Variants in FAF1 observed in about 807,000 individuals in gnomAD.
FAF1 encodes the protein Fas associated factor 1.
A neutral mutation model predicts 92.5 loss-of-function variants in FAF1; 25 were observed. The observed-to-expected ratio is 0.27, with a 90% CI of 0.20 to 0.38. The LOEUF is 0.38. FAF1 is among the 10% of genes least tolerant of loss of function. FAF1 has a pLI of 1.00. For synonymous variants in FAF1, 234 were observed against 273.2 expected (o/e 0.86, Z 1.42); for missense variants, 636 against 793.3 (o/e 0.80, Z 2.38).
chr1:50,796,956 C>T (rs904466733), intron 3 of FAF1, among the ~76,000 whole-genome samples: 1 of 151,850 alleles, frequency 6.6e-6, no homozygotes, highest in African/African-American at 2.4e-5. Flanking sequence ...ATGGCTGGGG[C>T]GAAACTCCAT....
At chr1:50,544,882 C>T (rs1648935585) in intron 13 of FAF1, among the ~76,000 whole-genome samples, 2 of 152,040 alleles carry the variant, frequency 1.3e-5, no homozygotes, top group Non-Finnish European at 1.5e-5. Context: ...GTGTAGAGAA[C>T]AGGAAATAAA....
At chr1:50,485,667 CAAAAAAAA>C (rs999538430) in intron 17 of FAF1, among the ~76,000 whole-genome samples, 7 of 13,720 alleles carry the variant, frequency 5.1e-4, no homozygotes, top group South Asian at 4.5e-3. Flanking sequence ...GAGACTGTCT[CAAAAAAAA>C]AAAAAAAAAA....
chr1:50,525,165 C>T (rs529336981), intron 15 of FAF1, among the ~76,000 whole-genome samples: 4 of 152,270 alleles, frequency 2.6e-5, no homozygotes, highest in Admixed American at 6.5e-5. Context: ...GGATTACAGG[C>T]GTGAGCCACT....
intron 1 of FAF1, among the ~76,000 whole-genome samples, chr1:50,907,875 G>A (rs967999209): frequency 2.6e-5 from 4 of 151,958 alleles, no homozygotes; most frequent in African/African-American, 9.7e-5. Context: ...ATCTCCTTCA[G>A]TTCTGCTCTG....
At chr1:50,540,554 G>T (rs1250105861) in intron 13 of FAF1, among the ~76,000 whole-genome samples, 3 of 152,108 alleles carry the variant, frequency 2.0e-5, no homozygotes, top group Admixed American at 6.6e-5. Context: ...ACCAAAAAAA[G>T]CTCTGAGATA....
At chr1:50,917,624 AAAAGGAAAGGAAAGGAAAGGAAAGG>A (rs149219997) in intron 1 of FAF1, among the ~76,000 whole-genome samples, 1,946 of 72,286 alleles carry the variant, frequency 0.027, 26 homozygotes, top group African/African-American at 0.033. Flanking sequence ...AGGGAAAGGA[AAAAGGAAAGGAAAGGAAAGGAAAGG>A]AAAGGAAAGG....
intron 2 of FAF1, among the ~76,000 whole-genome samples, chr1:50,810,261 T>C (rs965301711): frequency 6.6e-6 from 1 of 151,494 alleles, no homozygotes. Context: ...GTCTCAAAAC[T>C]AAAAAAATTA....
intron 1 of FAF1, among the ~76,000 whole-genome samples, chr1:50,932,816 G>C (rs1049383680): frequency 1.3e-5 from 2 of 152,198 alleles, no homozygotes; most frequent in African/African-American, 2.4e-5. Context: ...CTTTTGCCAG[G>C]GTATCCAGGC....
At position 50,490,578 on chromosome 1, in the gene FAF1, T is replaced by C; in HGVS notation, c.1653+10A>G. ...GCTTTTGAATAACTTTTCTTAAAAT[T>C]ATGCCCCACCTCACGTTCCTCTTCT... On this transcript the variant is annotated intron_variant, in intron 17 of 18. Transcript: ENST00000396153. The C allele has an allele frequency of 6.3e-7, 1 of 1,582,336 alleles. No individual in the cohort carries two copies. Among genetic ancestry groups the C allele is most frequent in the Admixed American group, 1.7e-5 (1 of 59,968 alleles).
chr1:50,960,251 C>T lies in FAF1; in HGVS notation c.-440G>A, dbSNP rs367904455. On this transcript the variant is annotated 5_prime_UTR_variant, in exon 1 of 19. Coordinates refer to ENST00000396153, the MANE Select transcript of FAF1 (RefSeq NM_007051.3). ...CCTCCTCCGCTTCCTCCCTGGCCGC[C>T]GCCTCCGCCCCTGGTTGGCCAGCGC... The T allele has an allele frequency of 7.2e-5, 24 of 332,114 alleles. No homozygotes were observed. Among genetic ancestry groups the T allele is most frequent in the South Asian group, 1.4e-4 (1 of 6,906 alleles). 20.6% of individuals were successfully genotyped at this position (332,114 alleles called of 1,614,324 possible).
At chr1:50,922,327 C>T (rs1644970083) in intron 1 of FAF1, among the ~76,000 whole-genome samples, 1 of 151,396 alleles carries the variant, frequency 6.6e-6, no homozygotes, top group Admixed American at 6.6e-5. Context: ...AGCGTGGTGG[C>T]AGGCACCTGT....
chr1:50,664,417 T>G (rs1655527592), intron 7 of FAF1, among the ~76,000 whole-genome samples: 4 of 151,814 alleles, frequency 2.6e-5, no homozygotes, highest in Admixed American at 2.6e-4. Flanking sequence ...CTAAATAAAC[T>G]TGGAAGATAT....
At chr1:50,808,229 C>A (rs1056337640) in intron 2 of FAF1, among the ~76,000 whole-genome samples, 1 of 152,142 alleles carries the variant, frequency 6.6e-6, no homozygotes, top group African/African-American at 2.4e-5. Flanking sequence ...TTTGTTACCA[C>A]TAGACCTGAC....
intron 1 of FAF1, among the ~76,000 whole-genome samples, chr1:50,858,616 G>GA (rs1644409187): frequency 6.6e-6 from 1 of 151,706 alleles, no homozygotes; most frequent in Non-Finnish European, 1.5e-5. Flanking sequence ...CTGAATACAT[G>GA]TTGAAATGGA....
intron 4 of FAF1, among the ~76,000 whole-genome samples, chr1:50,769,570 G>C (rs1292060613): frequency 6.6e-6 from 1 of 152,136 alleles, no homozygotes; most frequent in African/African-American, 2.4e-5. Context: ...ACCAAATCCG[G>C]CTGCACATCC....
At chr1:50,623,514 C>T (rs1423666896) in intron 8 of FAF1, among the ~76,000 whole-genome samples, 1 of 150,392 alleles carries the variant, frequency 6.6e-6, no homozygotes, top group Non-Finnish European at 1.5e-5. Context: ...GGGCAAGTTG[C>T]AGTGAGCTGA....
chr1:50,632,588 G>A (rs1263996136), intron 8 of FAF1, among the ~76,000 whole-genome samples: 1 of 152,130 alleles, frequency 6.6e-6, no homozygotes, highest in Non-Finnish European at 1.5e-5. Flanking sequence ...CACTTTAGGG[G>A]TAAGATATCT....
intron 1 of FAF1, among the ~76,000 whole-genome samples, chr1:50,861,209 A>C (rs1644429465): frequency 6.6e-6 from 1 of 151,830 alleles, no homozygotes; most frequent in Non-Finnish European, 1.5e-5. Flanking sequence ...CTGAATCTAA[A>C]ACAACAGTTG....
chr1:50,920,540 C>G (rs1361703605), intron 1 of FAF1, among the ~76,000 whole-genome samples: 4 of 152,092 alleles, frequency 2.6e-5, no homozygotes, highest in Admixed American at 2.6e-4. Context: ...AAAATATTAG[C>G]AAATCAAATC....
Sources: allele counts gnomAD v4.1 joint callset (sites outside exome capture counted in the v4.1 genomes callset), GRCh38; gene constraint gnomAD v4.1.1; transcripts MANE v1.5; gene names NCBI Gene and HGNC (gene_info 2026-07-23, HGNC 2026-07-21).